SCFD2: variants seen among roughly 807,000 people sequenced by gnomAD.
The protein encoded by SCFD2 is sec1 family domain containing 2.
A neutral mutation model predicts 58.9 loss-of-function variants in SCFD2; 54 were observed. That is an observed-to-expected ratio of 0.92 (90% CI 0.74 to 1.15). The LOEUF is 1.15. Ranked by LOEUF, SCFD2 falls within the 50% of genes most tolerant of loss-of-function variation. The pLI, the probability that SCFD2 is intolerant of heterozygous loss-of-function variation, is 0.00. For synonymous variants in SCFD2, 321 were observed against 335.9 expected, an observed-to-expected ratio of 0.96 and a Z score of 0.49; for missense variants, 805 against 836.6, an observed-to-expected ratio of 0.96 and a Z score of 0.47.
chr4:52,967,793 T>C (rs1720994727), intron 5 of SCFD2, among the ~76,000 whole-genome samples: 1 of 152,170 alleles, frequency 6.6e-6, no homozygotes, highest in Non-Finnish European at 1.5e-5. Flanking sequence ...GTGAGACCCT[T>C]TGTCTACCCT....
At chr4:53,172,208 T>G (rs1560368483) in intron 4 of SCFD2, among the ~76,000 whole-genome samples, 2 of 152,014 alleles carry the variant, frequency 1.3e-5, no homozygotes, top group Non-Finnish European at 2.9e-5. Flanking sequence ...TTTCACCTTG[T>G]TGGCCAGGAT....
intron 4 of SCFD2, among the ~76,000 whole-genome samples, chr4:53,181,199 AC>A (rs1727541879): frequency 6.6e-6 from 1 of 152,194 alleles, no homozygotes; most frequent in East Asian, 1.9e-4. Context: ...CAGAGACACA[AC>A]CAAAAAAGAG....
chr4:53,132,313 T>C (rs774811366), intron 5 of SCFD2, among the ~76,000 whole-genome samples: 14 of 152,264 alleles, frequency 9.2e-5, no homozygotes, highest in Non-Finnish European at 1.8e-4. Context: ...CCAACATTTC[T>C]CCTGGGAGTG....
intron 5 of SCFD2, among the ~76,000 whole-genome samples, chr4:53,083,398 T>C (rs1478035723): frequency 1.3e-5 from 2 of 152,092 alleles, no homozygotes; most frequent in East Asian, 3.9e-4. Context: ...CCAGTCCTAC[T>C]CAAACTATTT....
chr4:53,343,661 T>G (rs1733961191), intron 2 of SCFD2, among the ~76,000 whole-genome samples: 1 of 152,048 alleles, frequency 6.6e-6, no homozygotes. Flanking sequence ...AAAAGAGAAT[T>G]TTAGACCAAT....
chr4:53,336,711 T>G (rs4864753), intron 2 of SCFD2, among the ~76,000 whole-genome samples: 17,344 of 152,028 alleles, frequency 0.11, 1,111 homozygotes, highest in East Asian at 0.22. Context: ...GACGGAGTCT[T>G]GGTATGTTGC....
rs1237257478 is a variant in SCFD2 at position 53,247,674 on chromosome 4, A to T, written c.1311+26152T>A. 2.0e-5 allele frequency among the ~76,000 whole-genome samples: 3 copies of T among 151,586 alleles called. No homozygotes were observed. The East Asian group carries it at 5.9e-4, about 30-fold the overall frequency. On this transcript the variant is annotated intron_variant, in intron 4 of 8. Transcript: ENST00000401642. Reference sequence around the variant, plus strand: ...GGAGATCGAGACCATCCTGGCTAACAAGGTGAAACCCCGTCTCTACTAAAA... The same window carrying T: ...GGAGATCGAGACCATCCTGGCTAACTAGGTGAAACCCCGTCTCTACTAAAA...
At chr4:52,938,640 A>G (rs954933355) in intron 5 of SCFD2, among the ~76,000 whole-genome samples, 41 of 152,240 alleles carry the variant, frequency 2.7e-4, no homozygotes, top group African/African-American at 9.6e-4. Context: ...CAAGTGCCCT[A>G]TAGCTAATAA....
rs1721024680 is a variant in SCFD2, at chr4:52,968,809, G to A, written c.1562-47939C>T. On this transcript the variant is annotated intron_variant, in intron 5 of 8. Coordinates refer to ENST00000401642, the MANE Select transcript of SCFD2 (RefSeq NM_152540.4). Reference sequence around the variant, plus strand: ...TGTGCTCAAGGGATCTCATGTGGGGGCAGCCAAATATTACCTGGGGATGGG... The same window carrying A: ...TGTGCTCAAGGGATCTCATGTGGGGACAGCCAAATATTACCTGGGGATGGG... Among the ~76,000 whole-genome samples, 10 of 152,150 alleles carry A rather than the reference G, an allele frequency of 6.6e-5. No homozygotes were observed. The South Asian group carries it at 2.1e-3, about 32-fold the overall frequency.
At chr4:52,986,164 T>C (rs1184652395) in intron 5 of SCFD2, among the ~76,000 whole-genome samples, 3 of 151,986 alleles carry the variant, frequency 2.0e-5, no homozygotes, top group Non-Finnish European at 1.5e-5. Context: ...CCCGTGAGAA[T>C]TACCTCCCCA....
chr4:53,126,285 T>C (rs1397831558), intron 5 of SCFD2, among the ~76,000 whole-genome samples: 1 of 152,194 alleles, frequency 6.6e-6, no homozygotes, highest in African/African-American at 2.4e-5. Context: ...CAGACACTTT[T>C]GCCACTTTAA....
intron 4 of SCFD2, among the ~76,000 whole-genome samples, chr4:53,195,095 C>G (rs1728022226): frequency 6.6e-6 from 1 of 152,152 alleles, no homozygotes; most frequent in Non-Finnish European, 1.5e-5. Context: ...TGGCTGGTTA[C>G]AAGGACCGGC....
chr4:53,164,456 C>A (rs905443081), intron 4 of SCFD2, among the ~76,000 whole-genome samples: 2 of 152,124 alleles, frequency 1.3e-5, no homozygotes, highest in African/African-American at 4.8e-5. Context: ...GCTCTGGCTT[C>A]CATTGTAGCC....
At chr4:53,223,057 C>T (rs1729095712) in intron 4 of SCFD2, among the ~76,000 whole-genome samples, 1 of 152,134 alleles carries the variant, frequency 6.6e-6, no homozygotes, top group African/African-American at 2.4e-5. Context: ...ATAAGCTCAA[C>T]AGGCAGGAGC....
At chr4:53,098,515 A>T (rs377692058) in intron 5 of SCFD2, among the ~76,000 whole-genome samples, 5 of 152,180 alleles carry the variant, frequency 3.3e-5, no homozygotes, top group African/African-American at 1.2e-4. Context: ...AGGTGTTTAT[A>T]GTATTCTCTG....
intron 7 of SCFD2, among the ~76,000 whole-genome samples, chr4:52,889,333 A>AATTATTAG (rs1718827094): frequency 6.6e-6 from 1 of 152,232 alleles, no homozygotes. Flanking sequence ...AAGCAAACAC[A>AATTATTAG]ATTATTAGTG....
intron 5 of SCFD2, among the ~76,000 whole-genome samples, chr4:53,125,894 GA>G (rs1310634761): frequency 6.6e-6 from 1 of 152,118 alleles, no homozygotes; most frequent in Non-Finnish European, 1.5e-5. Context: ...TCCAGGTTGG[GA>G]AGAGTATGGG....
In SCFD2 at chr4:53,037,928, A is replaced by G. The variant is rs138793785; in HGVS notation, c.1561+107405T>C. ...AAAATGAACATAATGTCACAGTTCA[A>G]CCAAACCCTGGGGAATATAGATCTT... is the stretch of plus-strand genomic sequence containing the variant. On this transcript the variant is annotated intron_variant, in intron 5 of 8. Coordinates refer to ENST00000401642, the MANE Select transcript of SCFD2 (RefSeq NM_152540.4). Among the ~76,000 whole-genome samples the G allele has an allele frequency of 1.9e-3, 293 of 152,300 alleles. 2 individuals are homozygous for G. Among genetic ancestry groups the G allele is most frequent in the Admixed American group, 5.0e-3 (77 of 15,278 alleles).
intron 3 of SCFD2, among the ~76,000 whole-genome samples, chr4:53,300,871 G>C (rs1283925995): frequency 6.6e-6 from 1 of 152,132 alleles, no homozygotes; most frequent in East Asian, 1.9e-4. Flanking sequence ...ATGAAATGAA[G>C]GCAGAAATAA....
Sources: gnomAD v4.1 joint callset for allele counts (sites outside exome capture counted in the v4.1 genomes callset) on GRCh38, gnomAD v4.1.1 for gene constraint, MANE v1.5 for transcripts, NCBI Gene and HGNC (gene_info 2026-07-23, HGNC 2026-07-21) for gene names.